The following IL7 variants were observed in gnomAD, a reference collection of about 807,000 sequenced individuals.
IL7 encodes the protein interleukin 7.
IL7 carries 3 observed loss-of-function variants against 21.6 expected under a neutral mutation model. That is an observed-to-expected ratio of 0.14 (90% CI 0.06 to 0.36). The LOEUF (loss-of-function observed/expected upper bound fraction) is 0.36. Among genes scored for constraint, IL7 ranks in the 10% least tolerant of loss-of-function variants. The pLI, the probability that IL7 is intolerant of heterozygous loss-of-function variation, is 1.00. For synonymous variants in IL7, 62 were observed against 68.1 expected (o/e 0.91, Z 0.44); for missense variants, 175 against 200.2 (o/e 0.87, Z 0.76).
rs373131335 is a variant in IL7 at position 78,676,445 on chromosome 8, TA to T, written n.274-342del. 1.8e-3 allele frequency among the ~76,000 whole-genome samples: 275 copies of T among 152,150 alleles called. 1 individual carries two copies. The highest frequency in any genetic ancestry group is 6.3e-3 in the African/African-American group (261 of 41,576). On this transcript the variant is annotated intron_variant and non_coding_transcript_variant, in intron 4 of 4. Coordinates refer to the IL7 transcript ENST00000523959. ...TAGTAAGTACAAATAAAAACGCTTT[TA>T]ACTAATCTTAATAAAGTTAGCTAAC...
intron 2 of IL7, among the ~76,000 whole-genome samples, chr8:78,741,149 T>C (rs79640452): frequency 1.8e-3 from 276 of 152,284 alleles, no homozygotes; most frequent in African/African-American, 6.3e-3. Context: ...AGAAAAGTAT[T>C]CATTACTCTT....
At chr8:78,748,733 T>C (rs1172368308) in intron 2 of IL7, among the ~76,000 whole-genome samples, 2 of 152,100 alleles carry the variant, frequency 1.3e-5, no homozygotes, top group Non-Finnish European at 2.9e-5. Flanking sequence ...GCCAGAGAGT[T>C]AGAAGGAAAG....
chr8:78,804,526 C>T (rs1478291836), intron 1 of IL7, among the ~76,000 whole-genome samples: 1 of 152,178 alleles, frequency 6.6e-6, no homozygotes, highest in Non-Finnish European at 1.5e-5. Context: ...GAACCCGGGC[C>T]GCCTGCGTGA....
At chr8:78,687,600 TTA>T (rs1810040393) in intron 3 of IL7, among the ~76,000 whole-genome samples, 1 of 139,234 alleles carries the variant, frequency 7.2e-6, no homozygotes, top group Non-Finnish European at 1.5e-5. Context: ...TTATATATAT[TTA>T]CATAATACAT....
At chr8:78,694,486 T>G (rs1810332309) in intron 3 of IL7, among the ~76,000 whole-genome samples, 1 of 152,178 alleles carries the variant, frequency 6.6e-6, no homozygotes, top group African/African-American at 2.4e-5. Context: ...ATTATTGGCT[T>G]AGTTTGCTTG....
At chr8:78,698,659 C>CAGCAGTGAGTG in intron 3 of IL7, 2 of 498,126 alleles carry the variant, frequency 4.0e-6, no homozygotes, top group Non-Finnish European at 6.6e-6. Context: ...AGCACACTCA[C>CAGCAGTGAGTG]TGCTGTTGAG....
At chr8:78,804,548 C>A (rs1239585945) in intron 1 of IL7, among the ~76,000 whole-genome samples, 3 of 152,226 alleles carry the variant, frequency 2.0e-5, no homozygotes, top group Non-Finnish European at 4.4e-5. Context: ...TAACTTGGGG[C>A]GGCCAGGAGC....
intron 3 of IL7, among the ~76,000 whole-genome samples, chr8:78,739,703 C>G (rs1332271238): frequency 2.7e-5 from 4 of 147,422 alleles, no homozygotes; most frequent in Admixed American, 6.7e-5. Flanking sequence ...AAAAAAAAAA[C>G]AAAGAAAGAA....
At chr8:78,800,058 A>G (rs919553054) in intron 1 of IL7, among the ~76,000 whole-genome samples, 1 of 152,146 alleles carries the variant, frequency 6.6e-6, no homozygotes, top group Admixed American at 6.5e-5. Context: ...GTAATTTTTC[A>G]ATCCTTATCC....
intron 2 of IL7, among the ~76,000 whole-genome samples, chr8:78,771,260 A>G (rs1812939800): frequency 6.7e-6 from 1 of 148,918 alleles, no homozygotes; most frequent in Non-Finnish European, 1.5e-5. Flanking sequence ...GAAAGTTAAT[A>G]CCACTTCCAG....
chr8:78,776,432 G>A (rs1813142004), intron 2 of IL7, among the ~76,000 whole-genome samples: 1 of 152,076 alleles, frequency 6.6e-6, no homozygotes, highest in African/African-American at 2.4e-5. Flanking sequence ...AACCTTCATT[G>A]ATTTTTGGGT....
intron 2 of IL7, among the ~76,000 whole-genome samples, chr8:78,781,854 C>G (rs1365612129): frequency 6.6e-6 from 1 of 152,136 alleles, no homozygotes; most frequent in East Asian, 1.9e-4. Context: ...TTCACGTACC[C>G]CAATCAGGCG....
At chr8:78,689,862 A>G (rs1000802736) in intron 3 of IL7, among the ~76,000 whole-genome samples, 12 of 152,122 alleles carry the variant, frequency 7.9e-5, no homozygotes, top group Admixed American at 7.2e-4. Flanking sequence ...CTTATCTTGT[A>G]TCAAAGAAAT....
At chr8:78,747,207 T>TG (rs1449982307) in intron 2 of IL7, 36 of 378,418 alleles carry the variant, frequency 9.5e-5, no homozygotes, top group Non-Finnish European at 1.5e-4. Flanking sequence ...TTTTTTTTTT[T>TG]TTGAGATGGG....
At chr8:78,714,258 A>T (rs1343705562), downstream of IL7, among the ~76,000 whole-genome samples, 2 of 152,092 alleles carry the variant, frequency 1.3e-5, no homozygotes, top group African/African-American at 4.8e-5. Flanking sequence ...CATTTGTCTT[A>T]TCTGTAAATG....
At position 78,691,348 on chromosome 8, in the gene IL7, CATT is replaced by C. The variant is rs551661625; in HGVS notation, n.215-5404_215-5402del. On this transcript the variant is annotated intron_variant and non_coding_transcript_variant, in intron 3 of 4. Transcript: ENST00000523959. ...CTTCCCCATTTATTGGCACTTTTATCATTATAAATTGTTCCTTTTTGTCTGTGG... is the reference window on the plus strand; with the variant it reads ...CTTCCCCATTTATTGGCACTTTTATCATAAATTGTTCCTTTTTGTCTGTGG... Among the ~76,000 whole-genome samples, 24 of 152,196 alleles carry C rather than the reference CATT, an allele frequency of 1.6e-4. No homozygotes were observed. The South Asian group carries it at 5.0e-3, about 32-fold the overall frequency.
intron 2 of IL7, among the ~76,000 whole-genome samples, chr8:78,764,286 T>TATCTC (rs1337603886): frequency 6.6e-6 from 1 of 152,030 alleles, no homozygotes; most frequent in African/African-American, 2.4e-5. Flanking sequence ...AAAAAAAAGC[T>TATCTC]ATCTCCCTTC....
At chr8:78,692,416 T>A (rs1208790487) in intron 3 of IL7, among the ~76,000 whole-genome samples, 1 of 152,254 alleles carries the variant, frequency 6.6e-6, no homozygotes, top group Non-Finnish European at 1.5e-5. Flanking sequence ...GCAGTTAGTT[T>A]CTGTTGACTT....
intron 4 of IL7, among the ~76,000 whole-genome samples, chr8:78,680,357 C>T (rs1809739277): frequency 6.7e-6 from 1 of 150,178 alleles, no homozygotes; most frequent in African/African-American, 2.5e-5. Flanking sequence ...GGTTTATTGC[C>T]TTGTTACCTA....
Sources: gnomAD v4.1 joint callset for allele counts (sites outside exome capture counted in the v4.1 genomes callset) on GRCh38, gnomAD v4.1.1 for gene constraint, MANE v1.5 for transcripts, NCBI Gene and HGNC (gene_info 2026-07-23, HGNC 2026-07-21) for gene names.